The following LRP8 variants were observed in gnomAD, a reference collection of about 807,000 sequenced individuals.
LRP8 encodes the protein LDL receptor related protein 8.
In LRP8, 46 loss-of-function variants were observed where a neutral mutation model predicts 111.6. That is an observed-to-expected ratio of 0.41 (90% CI 0.33 to 0.53). LRP8 has a LOEUF of 0.53. Among genes scored for constraint, LRP8 ranks in the 20% least tolerant of loss-of-function variants. LRP8 has a pLI of 0.20. For synonymous variants in LRP8, 464 were observed against 511.2 expected, an observed-to-expected ratio of 0.91 and a Z score of 1.24; for missense variants, 959 against 1,297.4, an observed-to-expected ratio of 0.74 and a Z score of 4.01.
chr1:53,287,756 C>T (rs569072604), intron 3 of LRP8, among the ~76,000 whole-genome samples: 1 of 152,034 alleles, frequency 6.6e-6, no homozygotes, highest in Non-Finnish European at 1.5e-5. Flanking sequence ...GCAGGAGGGC[C>T]CCTGCCCAGC....
chr1:53,266,862 T>C lies in LRP8; in HGVS notation c.1253-215A>G, dbSNP rs1646584452. ...CGCATAGCAGGAAGATTCTTATTCT[T>C]TTTATTAGATACAAACTTCTCCAAA... On this transcript the variant is annotated intron_variant, in intron 8 of 18. Coordinates refer to ENST00000306052, the MANE Select transcript of LRP8 (RefSeq NM_004631.5). The surrounding 1 kb of genome is among the most constrained non-coding windows in gnomAD (Gnocchi z 5.0). 1.9e-6 allele frequency: 1 copy of C among 539,544 alleles called. No homozygotes were observed. Among genetic ancestry groups the C allele is most frequent in the African/African-American group, 1.9e-5 (1 of 53,124 alleles). 33.4% of individuals were successfully genotyped at this position (539,544 alleles called of 1,614,324 possible). A position where few individuals can be genotyped will look rare whatever the true frequency, so the allele number is the denominator to read the frequency against.
At chr1:53,254,704 AC>A (rs982011516) in intron 16 of LRP8, among the ~76,000 whole-genome samples, 1 of 152,228 alleles carries the variant, frequency 6.6e-6, no homozygotes, top group Non-Finnish European at 1.5e-5. Flanking sequence ...AGAAAACAAG[AC>A]AGTATGACCT....
Position 53,321,041 on chromosome 1 carries a change from A to T in LRP8, c.244+5832T>A, listed in dbSNP as rs544159950. ...CCCAGGGTTGTGAGTAGTGAAGTTAAAGGATGTGAATTGTCCAACGTGGTC... is the reference window on the plus strand; with the variant it reads ...CCCAGGGTTGTGAGTAGTGAAGTTATAGGATGTGAATTGTCCAACGTGGTC... On this transcript the variant is annotated intron_variant, in intron 2 of 18. Transcript: ENST00000306052. 2.0e-5 allele frequency among the ~76,000 whole-genome samples: 3 copies of T among 152,354 alleles called. No homozygotes were observed. In the East Asian group the frequency reaches 5.8e-4, roughly 29 times the overall value.
intron 3 of LRP8, among the ~76,000 whole-genome samples, chr1:53,281,918 C>T (rs1647125178): frequency 6.6e-6 from 1 of 152,224 alleles, no homozygotes; most frequent in African/African-American, 2.4e-5. Context: ...GTGTGACAAA[C>T]ATGGTGGTAG....
rs1212904387 is a variant in LRP8 at position 53,262,095 on chromosome 1, G to A, written c.1887C>T (p.Ser629=). Reference sequence around the variant, plus strand: ...CAAACACAGCTATCCCAAAAGGGTGGCTCAGGAAGTCAGTGGAGGAGATCA... The same window carrying A: ...CAAACACAGCTATCCCAAAAGGGTGACTCAGGAAGTCAGTGGAGGAGATCA... The part of the protein sequence containing the change: ...KTLISSTDFL[S]HPFGIAVFED... Residue 629 remains serine (S), a synonymous_variant, in exon 12 of 19, where the codon AGC becomes AGT. Transcript: ENST00000306052. This position sits in a 1 kb window ranked among gnomAD's most constrained non-coding sequence, Gnocchi z 4.8. 1.2e-6 allele frequency: 2 copies of A among 1,614,182 alleles called. No homozygotes were observed. Among genetic ancestry groups the A allele is most frequent in the East Asian group, 2.2e-5 (1 of 44,882 alleles).
chr1:53,320,986 T>A (rs991373559), intron 2 of LRP8, among the ~76,000 whole-genome samples: 2 of 152,230 alleles, frequency 1.3e-5, no homozygotes, highest in Non-Finnish European at 2.9e-5. Flanking sequence ...AGTTTCATCA[T>A]CTTCGAAATG....
At chr1:53,299,150 G>A (rs530489508) in intron 2 of LRP8, among the ~76,000 whole-genome samples, 1 of 151,818 alleles carries the variant, frequency 6.6e-6, no homozygotes, top group African/African-American at 2.4e-5. Context: ...GCGAATGATT[G>A]AGTGATGACC....
intron 9 of LRP8, 81 bp from the exon 10 acceptor site, chr1:53,264,477 C>A (rs912369459): frequency 1.8e-6 from 2 of 1,093,498 alleles, no homozygotes; most frequent in Non-Finnish European, 2.7e-6. Flanking sequence ...CCCTTCCCCT[C>A]TCTTCCATCT....
intron 4 of LRP8, 51 bp downstream of exon 4, chr1:53,280,536 A>C: frequency 6.3e-7 from 1 of 1,594,138 alleles, no homozygotes; most frequent in East Asian, 2.2e-5. Context: ...CCACTCCCTG[A>C]GGCTGCCTGA....
chr1:53,306,033 T>C (rs1451661127), intron 2 of LRP8: 2 of 152,292 alleles, frequency 1.3e-5, no homozygotes, highest in Middle Eastern at 3.4e-3. Context: ...CTCTATTCTA[T>C]TGGGAAGCTT....
Position 53,242,513 on chromosome 1 carries a change from C to T in LRP8, c.*4505G>A, listed in dbSNP as rs1645660592. 1 of 152,162 alleles carries T rather than the reference C, an allele frequency of 6.6e-6. No homozygotes were observed. The highest frequency in any genetic ancestry group is 2.1e-4 in the South Asian group (1 of 4,828). 9.4% of individuals were successfully genotyped at this position (152,162 alleles called of 1,614,324 possible). A position where few individuals can be genotyped will look rare whatever the true frequency, so the allele number is the denominator to read the frequency against. On this transcript the variant is annotated 3_prime_UTR_variant, in exon 19 of 19. Transcript: ENST00000306052. ...AGCCCCCTCGCCTCTGGAAGAGACA[C>T]CAGACTGCAAAGGGCACCGCGTACA...
Position 53,250,475 on chromosome 1 carries a change from A to G in LRP8, c.2676+215T>C, listed in dbSNP as rs980178406. On this transcript the variant is annotated intron_variant, in intron 17 of 18. Coordinates refer to ENST00000306052, the MANE Select transcript of LRP8 (RefSeq NM_004631.5). The surrounding 1 kb of genome is among the most constrained non-coding windows in gnomAD (Gnocchi z 4.6). ...GTTTTTGATAAATGTTTGAGGAAGG[A>G]AAGAAGGAGGAAGGGAAGGAGGGAG... 3.3e-5 allele frequency among the ~76,000 whole-genome samples: 5 copies of G among 151,742 alleles called. No individual in the cohort carries two copies. Among genetic ancestry groups the G allele is most frequent in the African/African-American group, 7.3e-5 (3 of 41,234 alleles).
Position 53,266,831 on chromosome 1 carries a change from G to T in LRP8, c.1253-184C>A. 1 of 589,636 alleles carries T rather than the reference G, an allele frequency of 1.7e-6. No homozygotes were observed. Among genetic ancestry groups the T allele is most frequent in the South Asian group, 2.1e-5 (1 of 47,908 alleles). The allele number at this position is 589,636 out of a possible 1,614,324, so 36.5% of individuals were successfully genotyped here. Reference sequence around the variant, plus strand: ...GAGTACAGAAAGCAGAAGATGCAGAGCACCACGCATAGCAGGAAGATTCTT... The same window carrying T: ...GAGTACAGAAAGCAGAAGATGCAGATCACCACGCATAGCAGGAAGATTCTT... On this transcript the variant is annotated intron_variant, in intron 8 of 18. Coordinates refer to ENST00000306052, the MANE Select transcript of LRP8 (RefSeq NM_004631.5). This position sits in a 1 kb window ranked among gnomAD's most constrained non-coding sequence, Gnocchi z 5.0.
rs1655411341 is a variant in LRP8 at position 53,328,002 on chromosome 1, G to C, written c.-90C>G. 5 of 844,030 alleles carry C rather than the reference G, an allele frequency of 5.9e-6. No individual in the cohort carries two copies. Among genetic ancestry groups the C allele is most frequent in the African/African-American group, 1.9e-5 (1 of 53,682 alleles). The allele number at this position is 844,030 out of a possible 1,614,324, so 52.3% of individuals were successfully genotyped here. Reference sequence around the variant, plus strand: ...CCTCCGAGTCCTTGCCGCGGCGCCGGGGTTGCCGCTGCCCCCGCCGCCGCC... The same window carrying C: ...CCTCCGAGTCCTTGCCGCGGCGCCGCGGTTGCCGCTGCCCCCGCCGCCGCC... On this transcript the variant is annotated 5_prime_UTR_variant, in exon 1 of 19. Transcript: ENST00000306052.
rs1363624494 is a variant in LRP8, at chr1:53,317,557, C to T, written c.244+9316G>A. On this transcript the variant is annotated intron_variant, in intron 2 of 18. Coordinates refer to ENST00000306052, the MANE Select transcript of LRP8 (RefSeq NM_004631.5). This position sits in a 1 kb window ranked among gnomAD's most constrained non-coding sequence, Gnocchi z 4.9. ...TCTCCTGCTGCTATTTTGCTGCTGC[C>T]CTCTTGTTGTGTCCTTGGTGGAGGA... Among the ~76,000 whole-genome samples the T allele has an allele frequency of 6.6e-6, 1 of 152,172 alleles. No homozygotes were observed. Among genetic ancestry groups the T allele is most frequent in the Non-Finnish European group, 1.5e-5 (1 of 68,026 alleles).
intron 2 of LRP8, among the ~76,000 whole-genome samples, chr1:53,301,090 T>G (rs1268207257): frequency 6.6e-6 from 1 of 152,052 alleles, no homozygotes; most frequent in Non-Finnish European, 1.5e-5. Flanking sequence ...GAGACAGGTG[T>G]GCTGCTGGGT....
chr1:53,315,232 G>A (rs186388480), intron 2 of LRP8, among the ~76,000 whole-genome samples: 233 of 152,282 alleles, frequency 1.5e-3, no homozygotes, highest in African/African-American at 5.2e-3. Flanking sequence ...AGCGGCAGGG[G>A]AGAAAGGGAG....
At chr1:53,276,497 C>T (rs1646921943) in intron 5 of LRP8, among the ~76,000 whole-genome samples, 195 bp downstream of exon 5, 2 of 152,272 alleles carry the variant, frequency 1.3e-5, no homozygotes, top group Admixed American at 6.5e-5. Flanking sequence ...TGGAGTTAGA[C>T]CTGAGCTCCG....
chr1:53,302,121 T>C (rs1651022747), intron 2 of LRP8, among the ~76,000 whole-genome samples: 1 of 152,082 alleles, frequency 6.6e-6, no homozygotes, highest in African/African-American at 2.4e-5. Flanking sequence ...CATTTTAAGC[T>C]GGTCCTCAAA....
Sources: allele counts gnomAD v4.1 joint callset (sites outside exome capture counted in the v4.1 genomes callset), GRCh38; gene constraint gnomAD v4.1.1; non-coding constraint Gnocchi (gnomAD v3.1); transcripts MANE v1.5; gene names NCBI Gene and HGNC (gene_info 2026-07-23, HGNC 2026-07-21).